RDH5: variants seen among roughly 807,000 people sequenced by gnomAD.
The protein encoded by RDH5 is 11-cis RDH.
In RDH5, 25 loss-of-function variants were observed where a neutral mutation model predicts 24.0. That is an observed-to-expected ratio of 1.04 (90% confidence interval 0.76 to 1.46). RDH5 has a LOEUF of 1.46. Among genes scored for constraint, RDH5 ranks in the 40% most tolerant of loss-of-function variants. The pLI, the probability that RDH5 is intolerant of heterozygous loss-of-function variation, is 0.00. For synonymous variants in RDH5, 170 were observed against 175.2 expected, an observed-to-expected ratio of 0.97 and a Z score of 0.23; for missense variants, 369 against 410.3, an observed-to-expected ratio of 0.90 and a Z score of 0.87.
intron 4 of RDH5, 119 bp downstream of exon 4, chr12:55,724,168 G>A: frequency 6.8e-7 from 1 of 1,463,342 alleles, no homozygotes; most frequent in Non-Finnish European, 9.3e-7. Context: ...GGGTGAACAG[G>A]ATGTTACAAG....
intron 4 of RDH5, 44 bp from the exon 5 acceptor site, chr12:55,724,278 G>A (rs376854849): frequency 1.9e-6 from 3 of 1,604,598 alleles, no homozygotes; most frequent in Non-Finnish European, 2.6e-6. Flanking sequence ...AGATGGGCTG[G>A]AGTGAGGAAG....
rs1876912236 is a variant in RDH5, at chr12:55,721,417, C to T, written c.233C>T (p.Thr78Ile). 6.2e-7 allele frequency: 1 copy of T among 1,613,852 alleles called. No homozygotes were observed. The highest frequency in any genetic ancestry group is 1.3e-5 in the African/African-American group (1 of 75,050). The change falls in exon 2 of 5, where the codon ACC becomes ATC. Residue 78 changes from threonine (T) to isoleucine (I), a missense_variant. Thr to Ile is a moderately conservative substitution (Grantham distance 89). Coordinates refer to ENST00000257895, the MANE Select transcript of RDH5 (RefSeq NM_002905.5). The surrounding 1 kb of genome is among the most constrained non-coding windows in gnomAD (Gnocchi z 4.7). The stretch of plus-strand genomic sequence containing the variant: ...CGGGTGGCCTCCTCCCGCCTCCACA[C>T]CACCCTGTTGGATATCACTGATCCC... The part of the protein sequence containing the change: ...LQRVASSRLH[T>I]TLLDITDPQS...
In RDH5 at chr12:55,721,566, G is replaced by C. The variant is rs558769937; in HGVS notation, c.310+72G>C. On this transcript the variant is annotated intron_variant, in intron 2 of 4. Coordinates refer to ENST00000257895, the MANE Select transcript of RDH5 (RefSeq NM_002905.5). The surrounding 1 kb of genome is among the most constrained non-coding windows in gnomAD (Gnocchi z 4.7). ...CCCACAGTCACCCCAGGAGTCACCT[G>C]CAAGGGCTGTGGTAAGCTAAAGGGA... 81 of 1,595,316 alleles carry C rather than the reference G, an allele frequency of 5.1e-5. No homozygotes were observed. Among genetic ancestry groups the C allele is most frequent in the South Asian group, 3.6e-4 (33 of 90,714 alleles).
chr12:55,723,742 A>C, intron 3 of RDH5, 144 bp from the exon 4 acceptor site: 1 of 895,154 alleles, frequency 1.1e-6, no homozygotes, highest in Non-Finnish European at 1.8e-6. Context: ...ACCCCACTTG[A>C]CCCTTGTCCC....
intron 4 of RDH5, 58 bp downstream of exon 4, chr12:55,724,107 G>A: frequency 6.3e-7 from 1 of 1,579,076 alleles, no homozygotes; most frequent in African/African-American, 1.3e-5. Flanking sequence ...AGAAAGGCCA[G>A]TCCTGCATAA....
At position 55,721,207 on chromosome 12, in the gene RDH5, G is replaced by A; in HGVS notation, c.23G>A (p.Gly8Asp). 1 of 1,614,022 alleles carries A rather than the reference G, an allele frequency of 6.2e-7. No homozygotes were observed. Among genetic ancestry groups the A allele is most frequent in the South Asian group, 1.1e-5 (1 of 91,086 alleles). MWLPLLL[G>D]ALLWAVLWLL... Reference sequence around the variant, plus strand: ...GCTATGTGGCTGCCTCTTCTGCTGGGTGCCTTACTCTGGGCAGTGCTGTGG... The same window carrying A: ...GCTATGTGGCTGCCTCTTCTGCTGGATGCCTTACTCTGGGCAGTGCTGTGG... Residue 8 changes from glycine to aspartate, a missense_variant, in exon 2 of 5, where the codon GGT becomes GAT. Physicochemically the swap from Gly to Asp is moderately conservative, Grantham distance 94. Coordinates refer to ENST00000257895, the MANE Select transcript of RDH5 (RefSeq NM_002905.5). This position sits in a 1 kb window ranked among gnomAD's most constrained non-coding sequence, Gnocchi z 4.7.
In RDH5 at chr12:55,724,451, A is replaced by G; in HGVS notation, c.863A>G (p.Lys288Arg). Reference protein sequence around the residue: ...RTRYSPGWDAKLLWLPASYLP... With the variant: ...RTRYSPGWDARLLWLPASYLP... ...CGCTACAGCCCAGGTTGGGATGCCA[A>G]GCTGCTCTGGCTGCCTGCCTCCTAC... The change falls in exon 5 of 5, where the codon AAG (lysine) becomes AGG (arginine). Residue 288 changes from lysine (K) to arginine (R), a missense_variant. Transcript: ENST00000257895. 1.2e-6 allele frequency: 2 copies of G among 1,614,066 alleles called. No homozygotes were observed. Among genetic ancestry groups the G allele is most frequent in the South Asian group, 1.1e-5 (1 of 91,082 alleles).
chr12:55,724,368 C>T lies in RDH5; in HGVS notation c.780C>T (p.Asp260=), dbSNP rs1157942560. 6.2e-7 allele frequency: 1 copy of T among 1,614,188 alleles called. No homozygotes were observed. The highest frequency in any genetic ancestry group is 8.5e-7 in the Non-Finnish European group (1 of 1,180,032). The change falls in exon 5 of 5, where the codon GAC becomes GAT. Residue 260 remains aspartate, a synonymous_variant. Coordinates refer to ENST00000257895, the MANE Select transcript of RDH5 (RefSeq NM_002905.5). The part of the protein sequence containing the change: ...QRIMNLICDP[D]LTKVSRCLEH... ...TCATGAACCTGATCTGTGACCCGGACCTAACCAAGGTGAGCCGATGCCTGG... is the reference window on the plus strand; with the variant it reads ...TCATGAACCTGATCTGTGACCCGGATCTAACCAAGGTGAGCCGATGCCTGG...
At chr12:55,722,009 A>T (rs1876950727) in intron 3 of RDH5, 62 bp downstream of exon 3, 1 of 1,559,330 alleles carries the variant, frequency 6.4e-7, no homozygotes, top group African/African-American at 1.4e-5. Context: ...AACGTGGGCC[A>T]GCAGAGGTGG....
intron 3 of RDH5, 103 bp downstream of exon 3, chr12:55,722,050 A>G: frequency 2.4e-6 from 3 of 1,261,078 alleles, no homozygotes; most frequent in South Asian, 2.9e-5. Flanking sequence ...ATAGTTAAGA[A>G]GAGACAGTTT....
In RDH5 at chr12:55,724,495, G is replaced by T. The variant is rs1302759306; in HGVS notation, c.907G>T (p.Asp303Tyr). 4 of 1,613,402 alleles carry T rather than the reference G, an allele frequency of 2.5e-6. No homozygotes were observed. The highest frequency in any genetic ancestry group is 3.4e-6 in the Non-Finnish European group (4 of 1,180,010). The change falls in exon 5 of 5, where the codon GAT becomes TAT. Residue 303 changes from aspartate to tyrosine, a missense_variant. Asp to Tyr is a radical substitution (Grantham distance 160). Coordinates refer to ENST00000257895, the MANE Select transcript of RDH5 (RefSeq NM_002905.5). ...CTCCTACCTGCCAGCCAGCCTGGTGGATGCTGTGCTCACCTGGGTCCTTCC... is the reference window on the plus strand; with the variant it reads ...CTCCTACCTGCCAGCCAGCCTGGTGTATGCTGTGCTCACCTGGGTCCTTCC... The part of the protein sequence containing the change: ...PASYLPASLV[D>Y]AVLTWVLPKP...
rs1876889893 is a variant in RDH5, at chr12:55,721,087, G to A, written c.-32-66G>A. ...GCTCACACCAGATGCTTCCAGCTAGGGAGGGTATTAGGGGAAAGGGCTTGA... is the reference window on the plus strand; with the variant it reads ...GCTCACACCAGATGCTTCCAGCTAGAGAGGGTATTAGGGGAAAGGGCTTGA... On this transcript the variant is annotated intron_variant, in intron 1 of 4. Transcript: ENST00000257895. The surrounding 1 kb of genome is among the most constrained non-coding windows in gnomAD (Gnocchi z 4.7). 1 of 1,055,572 alleles carries A rather than the reference G, an allele frequency of 9.5e-7. No individual in the cohort carries two copies. The highest frequency in any genetic ancestry group is 1.5e-6 in the Non-Finnish European group (1 of 675,206). The allele number at this position is 1,055,572 out of a possible 1,614,324, so 65.4% of individuals were successfully genotyped here. A position where few individuals can be genotyped will look rare whatever the true frequency, so the allele number is the denominator to read the frequency against.
intron 4 of RDH5, 92 bp downstream of exon 4, chr12:55,724,141 AC>A: frequency 6.6e-7 from 1 of 1,519,952 alleles, no homozygotes; most frequent in Non-Finnish European, 8.9e-7. Context: ...TGGGTGGGGC[AC>A]CCAGGGCAGG....
chr12:55,721,543 C>T lies in RDH5; in HGVS notation c.310+49C>T, dbSNP rs929181282. 2 of 1,596,850 alleles carry T rather than the reference C, an allele frequency of 1.3e-6. No individual in the cohort carries two copies. Among genetic ancestry groups the T allele is most frequent in the Non-Finnish European group, 1.7e-6 (2 of 1,176,272 alleles). On this transcript the variant is annotated intron_variant, in intron 2 of 4. Coordinates refer to ENST00000257895, the MANE Select transcript of RDH5 (RefSeq NM_002905.5). This position sits in a 1 kb window ranked among gnomAD's most constrained non-coding sequence, Gnocchi z 4.7. Reference sequence around the variant, plus strand: ...ATATGGTGTGGGGTGTCCTGATCCCCACAGTCACCCCAGGAGTCACCTGCA... The same window carrying T: ...ATATGGTGTGGGGTGTCCTGATCCCTACAGTCACCCCAGGAGTCACCTGCA...
In RDH5 at chr12:55,724,341, C is replaced by T. The variant is rs141783438; in HGVS notation, c.753C>T (p.Arg251=). ...CTGCAGACCTGAAAATGCAACAGCGCATCATGAACCTGATCTGTGACCCGG... is the reference window on the plus strand; with the variant it reads ...CTGCAGACCTGAAAATGCAACAGCGTATCATGAACCTGATCTGTGACCCGG... ...FLTKYLKMQQ[R]IMNLICDPDL... is the part of the protein sequence containing the mutation. The change falls in exon 5 of 5, where the codon CGC becomes CGT. Residue 251 remains arginine, a synonymous_variant. Transcript: ENST00000257895. The T allele has an allele frequency of 1.1e-4, 174 of 1,614,200 alleles. No homozygotes were observed. In the African/African-American group the frequency reaches 1.9e-3, roughly 17 times the overall value.
intron 1 of RDH5, among the ~76,000 whole-genome samples, 177 bp from the exon 2 acceptor site, chr12:55,720,976 C>T (rs1876884346): frequency 6.6e-6 from 1 of 151,668 alleles, no homozygotes; most frequent in African/African-American, 2.4e-5. Context: ...AAGTTAGCCA[C>T]AAATACAGGG....
At chr12:55,722,389 C>T (rs535328052) in intron 3 of RDH5, 22 of 169,526 alleles carry the variant, frequency 1.3e-4, no homozygotes, top group Middle Eastern at 3.0e-3. Context: ...ACCTCGTGAT[C>T]CGCCCACCTC....
In RDH5 at chr12:55,724,634, C is replaced by A; in HGVS notation, c.*89C>A. 2 of 1,151,256 alleles carry A rather than the reference C, an allele frequency of 1.7e-6. No individual in the cohort carries two copies. Among genetic ancestry groups the A allele is most frequent in the East Asian group, 2.4e-5 (1 of 41,026 alleles). The allele number at this position is 1,151,256 out of a possible 1,614,324, so 71.3% of individuals were successfully genotyped here. ...CCCTGGTACTGCCTGGTGCCTGCCA[C>A]AAAATAAGCACTAACAAAAGTGTAT... On this transcript the variant is annotated 3_prime_UTR_variant, in exon 5 of 5. Transcript: ENST00000257895.
In RDH5 at chr12:55,721,404, T is replaced by G. The variant is rs966873417; in HGVS notation, c.220T>G (p.Ser74Ala). 6.2e-7 allele frequency: 1 copy of G among 1,613,554 alleles called. No individual in the cohort carries two copies. Among genetic ancestry groups the G allele is most frequent in the African/African-American group, 1.3e-5 (1 of 74,890 alleles). The change falls in exon 2 of 5, where the codon TCC (serine) becomes GCC (alanine). Residue 74 changes from serine to alanine, a missense_variant. By Grantham distance (99) the Ser-to-Ala change is moderately conservative. Transcript: ENST00000257895. This position sits in a 1 kb window ranked among gnomAD's most constrained non-coding sequence, Gnocchi z 4.7. The part of the protein sequence containing the change: ...GAEDLQRVAS[S>A]RLHTTLLDIT... ...CGAGGACCTGCAGCGGGTGGCCTCCTCCCGCCTCCACACCACCCTGTTGGA... is the reference window on the plus strand; with the variant it reads ...CGAGGACCTGCAGCGGGTGGCCTCCGCCCGCCTCCACACCACCCTGTTGGA...
Sources: allele counts gnomAD v4.1 joint callset (sites outside exome capture counted in the v4.1 genomes callset), GRCh38; gene constraint gnomAD v4.1.1; non-coding constraint Gnocchi (gnomAD v3.1); transcripts MANE v1.5; gene names NCBI Gene and HGNC (gene_info 2026-07-23, HGNC 2026-07-21).